Variants in SEMA6A observed in about 807,000 individuals in gnomAD.
The protein encoded by SEMA6A is semaphorin 6A.
SEMA6A carries 25 observed loss-of-function variants against 96.8 expected under a neutral mutation model. That is an observed-to-expected ratio of 0.26 (90% CI 0.19 to 0.36). The LOEUF (loss-of-function observed/expected upper bound fraction) is 0.36, where lower values mean the gene tolerates loss of function less well. Among genes scored for constraint, SEMA6A ranks in the 10% least tolerant of loss-of-function variants. The probability of loss-of-function intolerance (pLI) is 1.00; values close to 1 mark genes in which losing one functional copy is unlikely to be tolerated. For missense variants in SEMA6A, 1,363 were observed against 1,323.1 expected (o/e 1.03, Z -0.47); for synonymous variants, 612 against 518.0 (o/e 1.18, Z -2.46).
At chr5:116,462,849 T>G (rs1049510784) in intron 18 of SEMA6A, among the ~76,000 whole-genome samples, 6 of 152,184 alleles carry the variant, frequency 3.9e-5, no homozygotes, top group African/African-American at 1.4e-4. Flanking sequence ...ACTACAATTT[T>G]AGTCATAACA....
intron 1 of SEMA6A, among the ~76,000 whole-genome samples, chr5:116,555,529 G>T (rs916717567): frequency 8.5e-5 from 13 of 152,084 alleles, no homozygotes; most frequent in African/African-American, 2.9e-4. Flanking sequence ...TCTATACATT[G>T]GTTTTGAGTC....
At chr5:116,484,422 A>G (rs993750082) in intron 10 of SEMA6A, among the ~76,000 whole-genome samples, 2 of 152,050 alleles carry the variant, frequency 1.3e-5, no homozygotes, top group African/African-American at 4.8e-5. Context: ...ACATATGTTT[A>G]TAGAACCCCT....
intron 1 of SEMA6A, chr5:116,562,562 A>G: frequency 1.7e-6 from 1 of 602,176 alleles, no homozygotes; most frequent in South Asian, 1.7e-5. Context: ...ACGTGCAGAA[A>G]TGGCACCTCG....
chr5:116,475,685 A>G, intron 15 of SEMA6A, 82 bp from the exon 16 acceptor site: 1 of 931,472 alleles, frequency 1.1e-6, no homozygotes, highest in South Asian at 1.6e-5. Flanking sequence ...TTCACTAAAG[A>G]CAGTAACACA....
intron 18 of SEMA6A, among the ~76,000 whole-genome samples, chr5:116,463,193 T>C (rs976709125): frequency 6.6e-6 from 1 of 152,118 alleles, no homozygotes; most frequent in African/African-American, 2.4e-5. Flanking sequence ...GACTTTTCCT[T>C]TCACATAATC....
chr5:116,495,480 T>C lies in SEMA6A; in HGVS notation c.377A>G (p.Lys126Arg), dbSNP rs187269294. The C allele has an allele frequency of 3.0e-3, 4,863 of 1,607,218 alleles. 9 individuals are homozygous for C. The highest frequency in any genetic ancestry group is 3.4e-3 in the Non-Finnish European group (4,016 of 1,176,522). The change falls in exon 6 of 19, where the codon AAG becomes AGG. Residue 126 changes from lysine to arginine, a missense_variant. By Grantham distance (26) the Lys-to-Arg change is conservative. This residue lies in a region of SEMA6A where 480 missense variants were observed against 559.5 expected (regional missense o/e 0.86). Coordinates refer to ENST00000343348, the MANE Select transcript of SEMA6A (RefSeq NM_020796.5). ...ECHNFIKVLLKKNDDALFVCG... is the reference protein window; with the variant it reads ...ECHNFIKVLLRKNDDALFVCG... ...GACAAACAATGCATCATCGTTTTTC[T>C]TTAGAAGAACTTTAATAAAGTTGTG... is the stretch of plus-strand genomic sequence containing the variant.
chr5:116,528,991 G>A (rs1402030183), intron 1 of SEMA6A, among the ~76,000 whole-genome samples: 1 of 152,180 alleles, frequency 6.6e-6, no homozygotes, highest in Non-Finnish European at 1.5e-5. Context: ...ACGGATTCAA[G>A]TTGTGAAACT....
rs16372 is a variant in SEMA6A, at chr5:116,446,264, A to ATG, written c.*347_*348dup. 34 of 176,378 alleles carry ATG rather than the reference A, an allele frequency of 1.9e-4. No homozygotes were observed. Among genetic ancestry groups the ATG allele is most frequent in the South Asian group, 5.3e-4 (3 of 5,636 alleles). 10.9% of individuals were successfully genotyped at this position (176,378 alleles called of 1,614,324 possible). On this transcript the variant is annotated 3_prime_UTR_variant, in exon 19 of 19. Coordinates refer to ENST00000343348, the MANE Select transcript of SEMA6A (RefSeq NM_020796.5). Reference sequence around the variant, plus strand: ...GCGTGTGTGTGTATGTGTTGTGTGCATGTGTGTGTGTGTGTGTGTGTGGGG... The same window carrying ATG: ...GCGTGTGTGTGTATGTGTTGTGTGCATGTGTGTGTGTGTGTGTGTGTGTGGGG...
intron 1 of SEMA6A, among the ~76,000 whole-genome samples, chr5:116,572,026 C>G (rs1761235791): frequency 6.6e-6 from 1 of 152,162 alleles, no homozygotes; most frequent in African/African-American, 2.4e-5. Context: ...ATGTGTCCAC[C>G]AGGGGAAGGA....
rs1760032068 is a variant in SEMA6A, at chr5:116,542,864, A to G, written c.-39+31321T>C. Among the ~76,000 whole-genome samples the G allele has an allele frequency of 3.3e-5, 5 of 152,128 alleles. No individual in the cohort carries two copies. The South Asian group carries it at 1.0e-3, about 32-fold the overall frequency. ...TTTGCTTCACTTCCCCGGCCTGGCA[A>G]TCACTTCCTTTAATTCCAGAGGCTG... On this transcript the variant is annotated intron_variant, in intron 1 of 18. Transcript: ENST00000343348.
intron 18 of SEMA6A, among the ~76,000 whole-genome samples, chr5:116,465,759 A>AT (rs1755693013): frequency 6.6e-6 from 1 of 152,216 alleles, no homozygotes; most frequent in South Asian, 2.1e-4. Flanking sequence ...AAAGAAAATT[A>AT]CTGCAACCAA....
At chr5:116,530,925 C>T (rs937106439) in intron 1 of SEMA6A, among the ~76,000 whole-genome samples, 1 of 152,182 alleles carries the variant, frequency 6.6e-6, no homozygotes, top group Admixed American at 6.5e-5. Flanking sequence ...TAATGACTCA[C>T]TTAATCCTCA....
At chr5:116,504,346 A>G (rs1758038591) in intron 2 of SEMA6A, among the ~76,000 whole-genome samples, 1 of 152,208 alleles carries the variant, frequency 6.6e-6, no homozygotes, top group Non-Finnish European at 1.5e-5. Flanking sequence ...GGAAAGTTAT[A>G]AACAGTTAAA....
intron 1 of SEMA6A, among the ~76,000 whole-genome samples, chr5:116,525,200 G>T (rs527444575): frequency 6.6e-6 from 1 of 152,170 alleles, no homozygotes; most frequent in Non-Finnish European, 1.5e-5. Context: ...ATGAACAGAA[G>T]AGGTCTCTGC....
At chr5:116,462,050 A>G (rs1161182590) in intron 18 of SEMA6A, among the ~76,000 whole-genome samples, 1 of 152,200 alleles carries the variant, frequency 6.6e-6, no homozygotes, top group East Asian at 1.9e-4. Flanking sequence ...GTCATCAGGA[A>G]TAATTTTCTC....
intron 18 of SEMA6A, among the ~76,000 whole-genome samples, chr5:116,456,972 G>A (rs1755052896): frequency 6.6e-6 from 1 of 152,124 alleles, no homozygotes; most frequent in African/African-American, 2.4e-5. Flanking sequence ...ATATTCCCGG[G>A]GTGAAAAGAG....
chr5:116,447,605 T>A lies in SEMA6A; in HGVS notation c.2101A>T (p.Ser701Cys). The change falls in exon 19 of 19, where the codon AGC (serine) becomes TGC (cysteine). Residue 701 changes from serine to cysteine, a missense_variant. Transcript: ENST00000343348. Reference protein sequence around the residue: ...LTHSRRGSMSSVTKLSGLFGD... With the variant: ...LTHSRRGSMSCVTKLSGLFGD... ...AAGAGGCCGCTGAGCTTGGTGACGC[T>A]GCTCATGGAGCCCCGGCGCGAGTGG... The A allele has an allele frequency of 6.2e-7, 1 of 1,614,054 alleles. No homozygotes were observed. The highest frequency in any genetic ancestry group is 8.5e-7 in the Non-Finnish European group (1 of 1,179,892).
intron 16 of SEMA6A, 126 bp downstream of exon 16, chr5:116,475,419 A>G: frequency 1.7e-6 from 1 of 574,114 alleles, no homozygotes; most frequent in South Asian, 2.8e-5. Context: ...TTAGAAGATG[A>G]TTTCCGTCAT....
At chr5:116,547,179 T>C (rs766135663) in intron 1 of SEMA6A, among the ~76,000 whole-genome samples, 1 of 152,212 alleles carries the variant, frequency 6.6e-6, no homozygotes, top group Non-Finnish European at 1.5e-5. Flanking sequence ...TTTTTTGTTC[T>C]AGTGGCATTA....
Sources: allele counts gnomAD v4.1 joint callset (sites outside exome capture counted in the v4.1 genomes callset), GRCh38; gene constraint gnomAD v4.1.1; regional missense constraint gnomAD v4.1.1; transcripts MANE v1.5; gene names NCBI Gene and HGNC (gene_info 2026-07-23, HGNC 2026-07-21).